Variants in PLCG2 observed in about 807,000 individuals in gnomAD.
PLCG2 encodes phospholipase C gamma 2.
A neutral mutation model predicts 175.6 loss-of-function variants in PLCG2; 69 were observed. That is an observed-to-expected ratio of 0.39 (90% CI 0.32 to 0.48). The LOEUF (loss-of-function observed/expected upper bound fraction) is 0.48. Ranked by LOEUF, PLCG2 falls within the 20% of genes least tolerant of loss-of-function variation. The pLI, the probability that PLCG2 is intolerant of heterozygous loss-of-function variation, is 0.91. For synonymous variants in PLCG2, 827 were observed against 624.0 expected, an observed-to-expected ratio of 1.33 and a Z score of -4.85; for missense variants, 1,798 against 1,650.9, an observed-to-expected ratio of 1.09 and a Z score of -1.54.
chr16:81,783,311 ATATTAT>A, intron 1 of PLCG2, among the ~76,000 whole-genome samples: 1 of 152,192 alleles, frequency 6.6e-6, no homozygotes, highest in East Asian at 1.9e-4. Flanking sequence ...TTTTATTATT[ATATTAT>A]TATTATGCTT....
intron 22 of PLCG2, among the ~76,000 whole-genome samples, chr16:81,926,360 G>A (rs1910275166): frequency 6.6e-6 from 1 of 152,190 alleles, no homozygotes; most frequent in Non-Finnish European, 1.5e-5. Flanking sequence ...TCAAGAGATG[G>A]GCAGGTTGAA....
At chr16:81,816,842 C>G (rs1567479193) in intron 2 of PLCG2, among the ~76,000 whole-genome samples, 1 of 151,844 alleles carries the variant, frequency 6.6e-6, no homozygotes, top group Non-Finnish European at 1.5e-5. Context: ...TGTCCAGAAG[C>G]AAGAACTGAA....
intron 2 of PLCG2, among the ~76,000 whole-genome samples, chr16:81,817,932 A>C (rs1904623598): frequency 6.6e-6 from 1 of 152,206 alleles, no homozygotes; most frequent in Admixed American, 6.5e-5. Context: ...TTAAGTGAAC[A>C]CTTGGGGTTG....
chr16:81,845,113 A>T (rs1906045102), intron 2 of PLCG2, among the ~76,000 whole-genome samples: 1 of 150,522 alleles, frequency 6.6e-6, no homozygotes, highest in Non-Finnish European at 1.5e-5. Context: ...TATTTTTTGT[A>T]TTTTTTTTTA....
At chr16:81,791,035 C>G (rs568943594) in intron 2 of PLCG2, among the ~76,000 whole-genome samples, 1 of 152,268 alleles carries the variant, frequency 6.6e-6, no homozygotes, top group African/African-American at 2.4e-5. Flanking sequence ...GGGTTTTGCT[C>G]TGAACCCTGT....
At position 81,930,805 on chromosome 16, in the gene PLCG2, G is replaced by C. The variant is rs114663482; in HGVS notation, c.2582-692G>C. Among the ~76,000 whole-genome samples the C allele has an allele frequency of 3.7e-3, 548 of 150,018 alleles. 2 individuals carry two copies. The highest frequency in any genetic ancestry group is 0.013 in the African/African-American group (525 of 40,970). On this transcript the variant is annotated intron_variant, in intron 24 of 32. Coordinates refer to ENST00000564138, the MANE Select transcript of PLCG2 (RefSeq NM_002661.5). ...ATTCTTTATATGTAAAAGATTATAT[G>C]TAACAACATAGAAAATTATGCACAA...
intron 7 of PLCG2, among the ~76,000 whole-genome samples, chr16:81,874,785 T>G (rs1032992649): frequency 6.6e-6 from 1 of 152,184 alleles, no homozygotes; most frequent in East Asian, 1.9e-4. Context: ...CTTCAGAGTT[T>G]CCAAAAGTTT....
chr16:81,894,598 C>T (rs184429960), intron 12 of PLCG2, among the ~76,000 whole-genome samples: 55 of 151,654 alleles, frequency 3.6e-4, no homozygotes, highest in African/African-American at 1.3e-3. Context: ...ACCAGCTTGT[C>T]GTGGTGTCTC....
In PLCG2 at chr16:81,854,568, C is replaced by G; in HGVS notation, c.318C>G (p.Leu106=). 6.2e-7 allele frequency: 1 copy of G among 1,613,976 alleles called. No homozygotes were observed. Among genetic ancestry groups the G allele is most frequent in the Non-Finnish European group, 8.5e-7 (1 of 1,179,852 alleles). ...FTILYGTQFV[L]STLSLAADSK... ...TCCTATATGGCACTCAGTTCGTCCT[C>G]AGCACGCTCAGCTTGGCAGGTAGGT... The change falls in exon 3 of 33, where the codon CTC becomes CTG. Residue 106 remains leucine (L), a synonymous_variant. Coordinates refer to ENST00000564138, the MANE Select transcript of PLCG2 (RefSeq NM_002661.5).
At chr16:81,766,262 T>C (rs963915824) in intron 2 of PLCG2, among the ~76,000 whole-genome samples, 4 of 152,146 alleles carry the variant, frequency 2.6e-5, no homozygotes, top group African/African-American at 9.7e-5. Context: ...GGGGGAGGCA[T>C]AGGAGGGAAA....
chr16:81,929,747 A>G (rs1027727073), intron 24 of PLCG2, among the ~76,000 whole-genome samples: 9 of 152,198 alleles, frequency 5.9e-5, no homozygotes, highest in African/African-American at 2.2e-4. Context: ...ATCCAGCAGG[A>G]TAGGTAGGAG....
Position 81,910,747 on chromosome 16 carries a change from G to T in PLCG2, c.1934+27G>T, listed in dbSNP as rs543998422. The T allele has an allele frequency of 4.4e-6, 7 of 1,596,482 alleles. No individual in the cohort carries two copies. The South Asian group carries it at 6.6e-5, about 15-fold the overall frequency. On this transcript the variant is annotated intron_variant, in intron 18 of 32. Transcript: ENST00000564138. ...TACGTGTCTGAGGGTGGAGCAGGAG[G>T]CAGGCGGTGGTCGGGTTAGCTCCAC...
chr16:81,786,579 C>A (rs1910982587), intron 2 of PLCG2, among the ~76,000 whole-genome samples: 1 of 152,162 alleles, frequency 6.6e-6, no homozygotes, highest in Admixed American at 6.5e-5. Context: ...CCAAATGCTA[C>A]CTTGTTTTAC....
chr16:81,780,591 C>T (rs980711874), intron 1 of PLCG2, among the ~76,000 whole-genome samples: 2 of 152,184 alleles, frequency 1.3e-5, no homozygotes, highest in African/African-American at 2.4e-5. Context: ...GTTTAAGTCA[C>T]CTAATGATGC....
intron 2 of PLCG2, among the ~76,000 whole-genome samples, chr16:81,809,147 C>G (rs1235763542): frequency 6.6e-6 from 1 of 152,282 alleles, no homozygotes; most frequent in African/African-American, 2.4e-5. Context: ...TGGCAGGGAA[C>G]TGAAACTGTT....
intron 17 of PLCG2, among the ~76,000 whole-genome samples, chr16:81,909,946 T>A (rs1458543986): frequency 7.9e-6 from 1 of 126,608 alleles, no homozygotes; most frequent in Non-Finnish European, 1.6e-5. Context: ...GTGGCAGAGC[T>A]GGGATTTGAA....
intron 2 of PLCG2, among the ~76,000 whole-genome samples, chr16:81,821,493 C>G (rs748525804): frequency 6.6e-6 from 1 of 152,088 alleles, no homozygotes; most frequent in East Asian, 1.9e-4. Flanking sequence ...TCTTGGTGAT[C>G]GGCTGACAGG....
chr16:81,888,664 C>T (rs7188361), intron 9 of PLCG2, among the ~76,000 whole-genome samples: 21 of 152,158 alleles, frequency 1.4e-4, no homozygotes, highest in African/African-American at 4.8e-4. Flanking sequence ...ATGTAACTTG[C>T]CCAAGGTCAA....
intron 7 of PLCG2, among the ~76,000 whole-genome samples, chr16:81,875,753 C>T (rs760539732): frequency 2.6e-5 from 4 of 152,180 alleles, no homozygotes; most frequent in Non-Finnish European, 4.4e-5. Flanking sequence ...ATAGAAAGCA[C>T]TTGCAAAAAA....
Sources: allele counts gnomAD v4.1 joint callset (sites outside exome capture counted in the v4.1 genomes callset), GRCh38; gene constraint gnomAD v4.1.1; transcripts MANE v1.5; gene names NCBI Gene and HGNC (gene_info 2026-07-23, HGNC 2026-07-21).